INSYN2A: variants seen among roughly 807,000 people sequenced by gnomAD.
The protein encoded by INSYN2A is inhibitory synaptic factor 2A, also known as family with sequence similarity 196 member A.
A neutral mutation model predicts 39.4 loss-of-function variants in INSYN2A; 17 were observed. That is an observed-to-expected ratio of 0.43 (90% CI 0.30 to 0.65). INSYN2A has a LOEUF of 0.65. Among genes scored for constraint, INSYN2A ranks in the 30% least tolerant of loss-of-function variants. The probability of loss-of-function intolerance (pLI) is 0.14; values close to 1 mark genes in which losing one functional copy is unlikely to be tolerated. For synonymous variants in INSYN2A, 255 were observed against 265.7 expected (o/e 0.96, Z 0.39); for missense variants, 595 against 631.2 (o/e 0.94, Z 0.61).
rs2050727663 is a variant in INSYN2A, at chr10:127,136,660, G to A, written c.*1177C>T. On this transcript the variant is annotated 3_prime_UTR_variant, in exon 6 of 6. Coordinates refer to ENST00000522781, the MANE Select transcript of INSYN2A (RefSeq NM_001039762.3). ...TTTACATTGCAATGTGTAATCAAGA[G>A]AGAACTCTAAGTGTTACTGTTGATT... The A allele has an allele frequency of 6.6e-6, 1 of 152,632 alleles. No homozygotes were observed. The highest frequency in any genetic ancestry group is 1.5e-5 in the Non-Finnish European group (1 of 68,040). The allele number at this position is 152,632 out of a possible 1,614,324, so 9.5% of individuals were successfully genotyped here.
chr10:127,184,970 C>T (rs1359331222), intron 2 of INSYN2A, among the ~76,000 whole-genome samples: 1 of 152,152 alleles, frequency 6.6e-6, no homozygotes, highest in Non-Finnish European at 1.5e-5. Flanking sequence ...AGTGTCTAGT[C>T]CAGCAGGAGA....
At chr10:127,166,942 T>G (rs2054139722) in intron 4 of INSYN2A, among the ~76,000 whole-genome samples, 1 of 152,134 alleles carries the variant, frequency 6.6e-6, no homozygotes, top group South Asian at 2.1e-4. Context: ...GAGGAGGTAT[T>G]TGAAATCTAT....
At chr10:127,164,126 C>T (rs1205009946) in intron 4 of INSYN2A, among the ~76,000 whole-genome samples, 1 of 147,900 alleles carries the variant, frequency 6.8e-6, no homozygotes, top group Admixed American at 6.8e-5. Context: ...TCTCTTTCTC[C>T]CTTGGCCCTT....
intron 2 of INSYN2A, among the ~76,000 whole-genome samples, chr10:127,185,765 C>T (rs1214997762): frequency 2.0e-5 from 3 of 152,090 alleles, no homozygotes. Context: ...GCATGACTAC[C>T]TTGAGTGGTT....
chr10:127,158,963 C>G (rs906349439), intron 4 of INSYN2A, among the ~76,000 whole-genome samples: 5 of 152,174 alleles, frequency 3.3e-5, no homozygotes, highest in Admixed American at 3.3e-4. Context: ...GGTTTTATCC[C>G]AGGGACCAAT....
Position 127,136,173 on chromosome 10 carries a change from A to C in INSYN2A, c.*1664T>G, listed in dbSNP as rs1197828136. 2 of 152,062 alleles carry C rather than the reference A, an allele frequency of 1.3e-5. No individual in the cohort carries two copies. The highest frequency in any genetic ancestry group is 4.8e-5 in the African/African-American group (2 of 41,380). 9.4% of individuals were successfully genotyped at this position (152,062 alleles called of 1,614,324 possible). ...TGTTTGGCCCCCGAAGAATGTTTACACGACATACTCTTCATTTTTTTTTCA... is the reference window on the plus strand; with the variant it reads ...TGTTTGGCCCCCGAAGAATGTTTACCCGACATACTCTTCATTTTTTTTTCA... On this transcript the variant is annotated 3_prime_UTR_variant, in exon 6 of 6. Transcript: ENST00000522781.
chr10:127,175,826 G>C lies in INSYN2A; in HGVS notation c.570C>G (p.Val190=), dbSNP rs2055062637. The change falls in exon 4 of 6, where the codon GTC becomes GTG. Residue 190 remains valine, a synonymous_variant. Transcript: ENST00000522781. This position sits in a 1 kb window ranked among gnomAD's most constrained non-coding sequence, Gnocchi z 6.3. The stretch of plus-strand genomic sequence containing the variant: ...GGCTTTTACAGGGCTCTGTGCAGTT[G>C]ACCCCCAAAGGCTGGTCCACTGTGT... ...HMNTVDQPLG[V]NCTEPCKSPE... 6.2e-7 allele frequency: 1 copy of C among 1,613,948 alleles called. No individual in the cohort carries two copies. Among genetic ancestry groups the C allele is most frequent in the Non-Finnish European group, 8.5e-7 (1 of 1,180,016 alleles).
chr10:127,139,719 G>A (rs990858028), intron 5 of INSYN2A, among the ~76,000 whole-genome samples: 8 of 152,138 alleles, frequency 5.3e-5, no homozygotes, highest in Non-Finnish European at 4.4e-5. Flanking sequence ...GGAGTCGGGG[G>A]CTCCTTAAAC....
chr10:127,180,572 A>G (rs527549272), intron 2 of INSYN2A, among the ~76,000 whole-genome samples: 1 of 152,364 alleles, frequency 6.6e-6, no homozygotes, highest in African/African-American at 2.4e-5. Context: ...TCATAATCAA[A>G]GTGAGCTGTA....
At chr10:127,169,082 A>G (rs1340331018) in intron 4 of INSYN2A, among the ~76,000 whole-genome samples, 3 of 152,140 alleles carry the variant, frequency 2.0e-5, no homozygotes, top group Non-Finnish European at 2.9e-5. Flanking sequence ...ACATCACGCA[A>G]ACATGTTCTG....
chr10:127,145,954 G>T, intron 5 of INSYN2A: 1 of 511,786 alleles, frequency 2.0e-6, no homozygotes. Flanking sequence ...CTTTCAAGAC[G>T]CCTATCTGTG....
chr10:127,157,951 T>G (rs943977377), intron 4 of INSYN2A, among the ~76,000 whole-genome samples: 20 of 152,206 alleles, frequency 1.3e-4, no homozygotes, highest in Admixed American at 7.2e-4. Flanking sequence ...CTGCTAAAAT[T>G]TTATTAAGCA....
chr10:127,168,524 A>G (rs1564861297), intron 4 of INSYN2A, among the ~76,000 whole-genome samples: 1 of 152,238 alleles, frequency 6.6e-6, no homozygotes, highest in Admixed American at 6.5e-5. Flanking sequence ...AAGAGCCACA[A>G]GATCATTTTC....
intron 4 of INSYN2A, 79 bp from the exon 5 acceptor site, chr10:127,154,002 A>C: frequency 1.1e-6 from 1 of 915,152 alleles, no homozygotes; most frequent in South Asian, 1.3e-5. Context: ...CTCAAATCAA[A>C]TGCCTTCCCA....
At chr10:127,140,284 C>T (rs1012295450) in intron 5 of INSYN2A, among the ~76,000 whole-genome samples, 1 of 152,154 alleles carries the variant, frequency 6.6e-6, no homozygotes, top group Non-Finnish European at 1.5e-5. Context: ...TTCTTGTTAA[C>T]AAAATGACTC....
chr10:127,145,955 C>A (rs1054708920), intron 5 of INSYN2A: 3 of 512,402 alleles, frequency 5.9e-6, no homozygotes, highest in Non-Finnish European at 1.2e-5. Context: ...TTTCAAGACG[C>A]CTATCTGTGA....
At chr10:127,160,337 A>G (rs572509391) in intron 4 of INSYN2A, among the ~76,000 whole-genome samples, 1 of 152,286 alleles carries the variant, frequency 6.6e-6, no homozygotes, top group East Asian at 1.9e-4. Context: ...TGTTTCCTTC[A>G]TAAGATCTTA....
At position 127,136,657 on chromosome 10, in the gene INSYN2A, A is replaced by G. The variant is rs2050727115; in HGVS notation, c.*1180T>C. 6.6e-6 allele frequency: 1 copy of G among 152,598 alleles called. No homozygotes were observed. Among genetic ancestry groups the G allele is most frequent in the Non-Finnish European group, 1.5e-5 (1 of 68,050 alleles). 9.5% of individuals were successfully genotyped at this position (152,598 alleles called of 1,614,324 possible). ...AGATTTACATTGCAATGTGTAATCA[A>G]GAGAGAACTCTAAGTGTTACTGTTG... is the stretch of plus-strand genomic sequence containing the variant. On this transcript the variant is annotated 3_prime_UTR_variant, in exon 6 of 6. Transcript: ENST00000522781.
At position 127,137,975 on chromosome 10, in the gene INSYN2A, A is replaced by G; in HGVS notation, c.1302T>C (p.Val434=). The G allele has an allele frequency of 6.8e-6, 11 of 1,613,814 alleles. No individual in the cohort carries two copies. The highest frequency in any genetic ancestry group is 9.3e-6 in the Non-Finnish European group (11 of 1,179,972). Reference sequence around the variant, plus strand: ...CCTCAATAGGGTGGAGTTTTCTTAGAACCGGCTGGAGTTTGTCTTCTTGCT... The same window carrying G: ...CCTCAATAGGGTGGAGTTTTCTTAGGACCGGCTGGAGTTTGTCTTCTTGCT... ...FKQQEDKLQP[V]LRKLHPIEET... Residue 434 remains valine (V), a synonymous_variant, in exon 6 of 6, where the codon GTT becomes GTC. Transcript: ENST00000522781.
Sources: allele counts gnomAD v4.1 joint callset (sites outside exome capture counted in the v4.1 genomes callset), GRCh38; gene constraint gnomAD v4.1.1; non-coding constraint Gnocchi (gnomAD v3.1); transcripts MANE v1.5; gene names NCBI Gene and HGNC (gene_info 2026-07-23, HGNC 2026-07-21).